Variants in ADIPOR2 observed in about 807,000 individuals in gnomAD.
ADIPOR2 encodes adiponectin receptor protein 2.
In ADIPOR2, 18 loss-of-function variants were observed where a neutral mutation model predicts 40.9. The ratio of observed to expected loss-of-function variants is 0.44; its 90% CI spans 0.30 to 0.65. ADIPOR2 has a LOEUF of 0.65. Among genes scored for constraint, ADIPOR2 ranks in the 30% least tolerant of loss-of-function variants. The pLI, the probability that ADIPOR2 is intolerant of heterozygous loss-of-function variation, is 0.09. For missense variants in ADIPOR2, 283 were observed against 479.2 expected, an observed-to-expected ratio of 0.59 and a Z score of 3.82; for synonymous variants, 165 against 166.4, an observed-to-expected ratio of 0.99 and a Z score of 0.06.
chr12:1,711,608 C>T (rs965221769), intron 1 of ADIPOR2, among the ~76,000 whole-genome samples: 3 of 52,028 alleles, frequency 5.8e-5, no homozygotes, highest in African/African-American at 1.7e-4. Flanking sequence ...CTCTCTTTGT[C>T]TCTTCCTCTC....
chr12:1,753,346 A>G (rs1010409429), intron 1 of ADIPOR2, among the ~76,000 whole-genome samples: 1 of 152,250 alleles, frequency 6.6e-6, no homozygotes, highest in African/African-American at 2.4e-5. Flanking sequence ...AGGACTTGAA[A>G]AGCTTGAACT....
rs1483499528 is a variant in ADIPOR2 at position 1,750,171 on chromosome 12, A to G, written c.-86-4087A>G. Reference sequence around the variant, plus strand: ...TATAGGGCCTATACGTATTTTGCTAAGCGTATACTTAAAGTATTTAATTTT... The same window carrying G: ...TATAGGGCCTATACGTATTTTGCTAGGCGTATACTTAAAGTATTTAATTTT... On this transcript the variant is annotated intron_variant, in intron 1 of 7. Transcript: ENST00000357103. 2.6e-5 allele frequency among the ~76,000 whole-genome samples: 4 copies of G among 152,048 alleles called. No individual in the cohort carries two copies. In the East Asian group the frequency reaches 7.7e-4, roughly 29 times the overall value.
intron 3 of ADIPOR2, among the ~76,000 whole-genome samples, chr12:1,776,313 T>A (rs1425884770): frequency 6.6e-6 from 1 of 152,164 alleles, no homozygotes; most frequent in Admixed American, 6.5e-5. Context: ...AGTCTTTCCA[T>A]AGAGTAGAGA....
At chr12:1,785,887 G>A (rs550948279) in intron 7 of ADIPOR2, 57 bp from the exon 8 acceptor site, 4 of 1,591,428 alleles carry the variant, frequency 2.5e-6, no homozygotes, top group African/African-American at 2.7e-5. Flanking sequence ...AGAATCTTTA[G>A]CAGTCTTAAT....
chr12:1,739,092 G>C (rs936947838), intron 1 of ADIPOR2, among the ~76,000 whole-genome samples: 3 of 152,150 alleles, frequency 2.0e-5, no homozygotes, highest in Non-Finnish European at 4.4e-5. Flanking sequence ...AGTTGGAAGA[G>C]GAATTTTAAG....
At chr12:1,776,192 A>C (rs1039958825) in intron 3 of ADIPOR2, among the ~76,000 whole-genome samples, 4 of 152,224 alleles carry the variant, frequency 2.6e-5, no homozygotes, top group African/African-American at 4.8e-5. Flanking sequence ...TGGAGATGTT[A>C]CACAGAGGAT....
chr12:1,770,294 C>A (rs1484571409), intron 2 of ADIPOR2, among the ~76,000 whole-genome samples: 1 of 152,128 alleles, frequency 6.6e-6, no homozygotes. Flanking sequence ...GCAGTTTCAT[C>A]ATGTTTACTT....
chr12:1,728,681 G>T (rs1423358194), intron 1 of ADIPOR2, among the ~76,000 whole-genome samples: 1 of 151,722 alleles, frequency 6.6e-6, no homozygotes, highest in African/African-American at 2.4e-5. Context: ...CCAAGATGGC[G>T]CCATTGCACT....
intron 2 of ADIPOR2, among the ~76,000 whole-genome samples, chr12:1,770,600 G>A (rs1440228785): frequency 6.6e-6 from 1 of 152,050 alleles, no homozygotes; most frequent in African/African-American, 2.4e-5. Flanking sequence ...TTAACTTATT[G>A]TTGAAAGTCT....
chr12:1,731,563 A>T (rs1178195311), intron 1 of ADIPOR2, among the ~76,000 whole-genome samples: 1 of 152,168 alleles, frequency 6.6e-6, no homozygotes, highest in Non-Finnish European at 1.5e-5. Flanking sequence ...TGACGCTATC[A>T]GTTTGCCTGT....
chr12:1,758,136 T>G (rs2154443674), intron 2 of ADIPOR2: 1 of 454,454 alleles, frequency 2.2e-6, no homozygotes, highest in Middle Eastern at 6.0e-4. Flanking sequence ...TATTTTTGTT[T>G]CCTGTCTTCA....
intron 1 of ADIPOR2, among the ~76,000 whole-genome samples, chr12:1,728,328 G>A (rs922571483): frequency 2.0e-5 from 3 of 151,622 alleles, no homozygotes; most frequent in African/African-American, 4.8e-5. Context: ...GATCAGGCTG[G>A]TCTCGAACTC....
In ADIPOR2 at chr12:1,778,976, G is replaced by A. The variant is rs186707101; in HGVS notation, c.463+951G>A. 2.6e-5 allele frequency among the ~76,000 whole-genome samples: 4 copies of A among 152,314 alleles called. No homozygotes were observed. In the East Asian group the frequency reaches 7.7e-4, roughly 29 times the overall value. On this transcript the variant is annotated intron_variant, in intron 4 of 7. Coordinates refer to ENST00000357103, the MANE Select transcript of ADIPOR2 (RefSeq NM_024551.3). ...AATCAAATGCTTTGAGAAATGCAGT[G>A]AGAAATCTCAACACTTCACACCCAC...
At chr12:1,757,694 G>T in intron 2 of ADIPOR2, 1 of 1,315,486 alleles carries the variant, frequency 7.6e-7, no homozygotes, top group African/African-American at 1.4e-5. Context: ...ACAGCAAAGC[G>T]ACCCTTGGTG....
At chr12:1,753,848 A>G (rs927301268) in intron 1 of ADIPOR2, among the ~76,000 whole-genome samples, 3 of 152,014 alleles carry the variant, frequency 2.0e-5, no homozygotes, top group African/African-American at 7.3e-5. Flanking sequence ...ATTGTATACT[A>G]TTTTTTAAAT....
At chr12:1,708,031 T>C (rs2094667077) in intron 1 of ADIPOR2, among the ~76,000 whole-genome samples, 1 of 138,694 alleles carries the variant, frequency 7.2e-6, no homozygotes, top group African/African-American at 2.5e-5. Context: ...AGATGGAAAA[T>C]GTTTGGTAAA....
chr12:1,730,205 C>T (rs1451192662), intron 1 of ADIPOR2, among the ~76,000 whole-genome samples: 1 of 150,846 alleles, frequency 6.6e-6, no homozygotes, highest in Non-Finnish European at 1.5e-5. Flanking sequence ...ATTATAATCA[C>T]TATTAGGGGT....
At position 1,711,632 on chromosome 12, in the gene ADIPOR2, CTCTCTCTCTT is replaced by C. The variant is rs755981203; in HGVS notation, c.-87+20449_-87+20458del. ...TCTCTTCCTCTCTCTCTCTCTCTCT[CTCTCTCTCTT>C]TCTCTCTTTCTGACTTCTTTTCTGT... is the stretch of plus-strand genomic sequence containing the variant. On this transcript the variant is annotated intron_variant, in intron 1 of 7. Transcript: ENST00000357103. Among the ~76,000 whole-genome samples the C allele has an allele frequency of 2.7e-4, 29 of 107,208 alleles. 1 individual carries two copies. The highest frequency in any genetic ancestry group is 4.2e-4 in the Non-Finnish European group (20 of 47,096). 70.3% of individuals were successfully genotyped at this position (107,208 alleles called of 152,430 possible). A position where few individuals can be genotyped will look rare whatever the true frequency, so the allele number is the denominator to read the frequency against.
chr12:1,731,340 A>G (rs1178170467), intron 1 of ADIPOR2, among the ~76,000 whole-genome samples: 1 of 152,164 alleles, frequency 6.6e-6, no homozygotes, highest in Non-Finnish European at 1.5e-5. Context: ...CTTTTTTTAA[A>G]TTGTGGGAAA....
Sources: allele counts gnomAD v4.1 joint callset (sites outside exome capture counted in the v4.1 genomes callset), GRCh38; gene constraint gnomAD v4.1.1; transcripts MANE v1.5; gene names NCBI Gene and HGNC (gene_info 2026-07-23, HGNC 2026-07-21).